OLFML2A: variants seen among roughly 807,000 people sequenced by gnomAD.
OLFML2A encodes the protein olfactomedin-like protein 2A.
Under a neutral mutation model 60.9 loss-of-function variants are expected in OLFML2A, and 47 were observed. The ratio of observed to expected loss-of-function variants is 0.77; its 90% confidence interval spans 0.61 to 0.98. The LOEUF is 0.98. Among genes scored for constraint, OLFML2A ranks in the 50% least tolerant of loss-of-function variants. The pLI is 0.00. For missense variants in OLFML2A, 922 were observed against 879.8 expected (o/e 1.05, Z -0.61); for synonymous variants, 372 against 375.0 (o/e 0.99, Z 0.09).
intron 3 of OLFML2A, among the ~76,000 whole-genome samples, chr9:124,797,080 A>G (rs1242986939): frequency 6.6e-6 from 1 of 152,162 alleles, no homozygotes; most frequent in Non-Finnish European, 1.5e-5. Flanking sequence ...CCCAGGATCA[A>G]CTGATCCTCC....
intron 2 of OLFML2A, among the ~76,000 whole-genome samples, chr9:124,791,737 C>CAAAAA (rs10553820): frequency 5.1e-4 from 38 of 74,838 alleles, no homozygotes; most frequent in East Asian, 1.1e-3. Flanking sequence ...GACTCTGTCT[C>CAAAAA]AAAAAAAAAA....
At chr9:124,786,418 G>GTCTT (rs1047978787) in intron 1 of OLFML2A, among the ~76,000 whole-genome samples, 3 of 151,664 alleles carry the variant, frequency 2.0e-5, no homozygotes, top group Non-Finnish European at 4.4e-5. Flanking sequence ...GAGAGAGCCT[G>GTCTT]TCTTTAAAAA....
Position 124,810,829 on chromosome 9 carries a change from C to CT in OLFML2A, c.*417_*418insT, listed in dbSNP as rs5900625. On this transcript the variant is annotated 3_prime_UTR_variant, in exon 8 of 8. Coordinates refer to ENST00000373580, the MANE Select transcript of OLFML2A (RefSeq NM_182487.4). ...CCCTCCCTGCCCTCCCCCATCTCCCCGGTCTCCCTTGTTCTCTCAACCCAG... is the reference window on the plus strand; with the variant it reads ...CCCTCCCTGCCCTCCCCCATCTCCCCTGGTCTCCCTTGTTCTCTCAACCCAG... 0.98 allele frequency: 182,351 copies of CT among 185,302 alleles called. 89,786 individuals carry two copies. Among genetic ancestry groups the CT allele is most frequent in the East Asian group, 1 (6,675 of 6,676 alleles). 11.5% of individuals were successfully genotyped at this position (185,302 alleles called of 1,614,324 possible).
At chr9:124,793,370 AG>A (rs1296948415) in intron 2 of OLFML2A, among the ~76,000 whole-genome samples, 1 of 152,210 alleles carries the variant, frequency 6.6e-6, no homozygotes, top group Non-Finnish European at 1.5e-5. Flanking sequence ...GGGCTGGGCA[AG>A]GGAGGCCCAG....
Position 124,810,351 on chromosome 9 carries a change from G to A in OLFML2A, c.1898G>A (p.Arg633Gln), listed in dbSNP as rs377560457. The A allele has an allele frequency of 5.0e-6, 8 of 1,603,666 alleles. No individual in the cohort carries two copies. Among genetic ancestry groups the A allele is most frequent in the East Asian group, 2.2e-5 (1 of 44,880 alleles). ...TTQIDYNPKE[R>Q]VLYAWDNGHQ... ...CAGATCGACTACAACCCCAAGGAGC[G>A]GGTGCTGTACGCCTGGGACAATGGC... The change falls in exon 8 of 8, where the codon CGG becomes CAG. Residue 633 changes from arginine to glutamine, a missense_variant. Transcript: ENST00000373580.
At chr9:124,791,552 C>G (rs933181216) in intron 2 of OLFML2A, among the ~76,000 whole-genome samples, 1 of 151,958 alleles carries the variant, frequency 6.6e-6, no homozygotes, top group African/African-American at 2.4e-5. Flanking sequence ...GCCTGGCCAA[C>G]GTGACAAAAC....
At chr9:124,782,133 C>A (rs1841372049) in intron 1 of OLFML2A, among the ~76,000 whole-genome samples, 2 of 152,222 alleles carry the variant, frequency 1.3e-5, no homozygotes, top group South Asian at 4.1e-4. Flanking sequence ...TCTATGCCCC[C>A]CAGGGCCCCC....
At chr9:124,791,194 G>A (rs1841563416) in intron 2 of OLFML2A, among the ~76,000 whole-genome samples, 1 of 152,206 alleles carries the variant, frequency 6.6e-6, no homozygotes, top group Non-Finnish European at 1.5e-5. Flanking sequence ...TAGAAGGATA[G>A]AGCTGGGCCT....
chr9:124,804,198 C>A lies in OLFML2A; in HGVS notation c.1024C>A (p.Pro342Thr). The change falls in exon 6 of 8, where the codon CCC becomes ACC. Residue 342 changes from proline (P) to threonine (T), a missense_variant. Transcript: ENST00000373580. Reference sequence around the variant, plus strand: ...CTCCGCAGAGCAGGATGAGGCTGAGCCCAGGTCCTCCGAGCGAGTGGACCT... The same window carrying A: ...CTCCGCAGAGCAGGATGAGGCTGAGACCAGGTCCTCCGAGCGAGTGGACCT... The part of the protein sequence containing the change: ...PNSAEQDEAE[P>T]RSSERVDLAS... 6.2e-7 allele frequency: 1 copy of A among 1,614,124 alleles called. No homozygotes were observed. Among genetic ancestry groups the A allele is most frequent in the Non-Finnish European group, 8.5e-7 (1 of 1,180,006 alleles).
chr9:124,794,911 AG>A (rs1427655363), intron 2 of OLFML2A, 112 bp from the exon 3 acceptor site: 5 of 626,056 alleles, frequency 8.0e-6, no homozygotes, highest in Non-Finnish European at 1.4e-5. Context: ...CGTGAGCCAC[AG>A]CGCCTGGCCC....
In OLFML2A at chr9:124,812,739, T is replaced by A. The variant is rs914945989; in HGVS notation, c.*2327T>A. ...TTCATGACATCATAGCCCAACCATGTGAGAAGAAGGAGAAGGCCCCCCTTT... is the reference window on the plus strand; with the variant it reads ...TTCATGACATCATAGCCCAACCATGAGAGAAGAAGGAGAAGGCCCCCCTTT... On this transcript the variant is annotated 3_prime_UTR_variant, in exon 8 of 8. Coordinates refer to ENST00000373580, the MANE Select transcript of OLFML2A (RefSeq NM_182487.4). 1 of 152,044 alleles carries A rather than the reference T, an allele frequency of 6.6e-6. No individual in the cohort carries two copies. The highest frequency in any genetic ancestry group is 2.4e-5 in the African/African-American group (1 of 41,382). The allele number at this position is 152,044 out of a possible 1,614,324, so 9.4% of individuals were successfully genotyped here.
At position 124,810,358 on chromosome 9, in the gene OLFML2A, G is replaced by C; in HGVS notation, c.1905G>C (p.Leu635=). 1 of 1,602,822 alleles carries C rather than the reference G, an allele frequency of 6.2e-7. No individual in the cohort carries two copies. The highest frequency in any genetic ancestry group is 8.5e-7 in the Non-Finnish European group (1 of 1,179,870). Residue 635 remains leucine (L), a synonymous_variant, in exon 8 of 8, where the codon CTG becomes CTC. Coordinates refer to ENST00000373580, the MANE Select transcript of OLFML2A (RefSeq NM_182487.4). Reference sequence around the variant, plus strand: ...ACTACAACCCCAAGGAGCGGGTGCTGTACGCCTGGGACAATGGCCACCAGC... The same window carrying C: ...ACTACAACCCCAAGGAGCGGGTGCTCTACGCCTGGGACAATGGCCACCAGC... ...QIDYNPKERV[L]YAWDNGHQLT...
At chr9:124,808,688 G>T (rs1841948354) in intron 7 of OLFML2A, among the ~76,000 whole-genome samples, 1 of 152,116 alleles carries the variant, frequency 6.6e-6, no homozygotes, top group Admixed American at 6.6e-5. Flanking sequence ...CCATGCGGAA[G>T]GGAGAGGGAA....
intron 2 of OLFML2A, among the ~76,000 whole-genome samples, chr9:124,793,957 T>G (rs936938711): frequency 6.6e-6 from 1 of 152,206 alleles, no homozygotes; most frequent in Non-Finnish European, 1.5e-5. Context: ...GAGGATTGCT[T>G]GAGCTCAGTA....
At position 124,799,318 on chromosome 9, in the gene OLFML2A, G is replaced by A. The variant is rs1200333128; in HGVS notation, c.496G>A (p.Val166Met). The A allele has an allele frequency of 6.8e-6, 11 of 1,612,622 alleles. No individual in the cohort carries two copies. Among genetic ancestry groups the A allele is most frequent in the Admixed American group, 1.7e-5 (1 of 59,976 alleles). ...GGCCAACCTGAGCCGGGAGAATGAG[G>A]TGGTGAAGGACAGCGTGCGCCACCT... is the stretch of plus-strand genomic sequence containing the variant. ...IKANLSRENE[V>M]VKDSVRHLSE... Residue 166 changes from valine to methionine, a missense_variant, in exon 4 of 8, where the codon GTG (valine) becomes ATG (methionine). Transcript: ENST00000373580.
rs1405283087 is a variant in OLFML2A at position 124,794,560 on chromosome 9, A to G, written c.355-464A>G. 3.3e-5 allele frequency among the ~76,000 whole-genome samples: 5 copies of G among 152,066 alleles called. No homozygotes were observed. The East Asian group carries it at 5.8e-4, about 18-fold the overall frequency. On this transcript the variant is annotated intron_variant, in intron 2 of 7. Transcript: ENST00000373580. The stretch of plus-strand genomic sequence containing the variant: ...AGCAGGCTGGGGCTGGTGAGTGCTC[A>G]GGGCCCATGCCAGCCACTCTGAGGC...
chr9:124,801,568 C>T lies in OLFML2A; in HGVS notation c.824C>T (p.Thr275Ile). 2 of 1,614,072 alleles carry T rather than the reference C, an allele frequency of 1.2e-6. No homozygotes were observed. Among genetic ancestry groups the T allele is most frequent in the Non-Finnish European group, 1.7e-6 (2 of 1,180,028 alleles). ...ESGKGSFLQP[T>I]AKPRALAQQQ... Reference sequence around the variant, plus strand: ...GGCAAGGGCAGTTTCCTCCAGCCCACAGCCAAGCCCCGCGCCCTGGCCCAG... The same window carrying T: ...GGCAAGGGCAGTTTCCTCCAGCCCATAGCCAAGCCCCGCGCCCTGGCCCAG... Residue 275 changes from threonine to isoleucine, a missense_variant, in exon 5 of 8, where the codon ACA becomes ATA. By Grantham distance (89) the Thr-to-Ile change is moderately conservative. Transcript: ENST00000373580.
intron 6 of OLFML2A, among the ~76,000 whole-genome samples, chr9:124,806,285 AT>A (rs567412119): frequency 1.7e-3 from 256 of 152,268 alleles, no homozygotes; most frequent in African/African-American, 5.1e-3. Flanking sequence ...AGAAAGAATA[AT>A]TTTTTTAAAT....
At chr9:124,809,231 G>T (rs1841955602) in intron 7 of OLFML2A, among the ~76,000 whole-genome samples, 2 of 152,092 alleles carry the variant, frequency 1.3e-5, no homozygotes, top group Non-Finnish European at 2.9e-5. Flanking sequence ...CTCAAAATTG[G>T]CCGGCTTTCT....
Sources: gnomAD v4.1 joint callset for allele counts (sites outside exome capture counted in the v4.1 genomes callset) on GRCh38, gnomAD v4.1.1 for gene constraint, MANE v1.5 for transcripts, NCBI Gene and HGNC (gene_info 2026-07-23, HGNC 2026-07-21) for gene names.